MRNIP: variants seen among roughly 807,000 people sequenced by gnomAD.
MRNIP encodes the protein MRN complex interacting protein, also known as MRN complex-interacting protein.
MRNIP carries 30 observed loss-of-function variants against 29.8 expected under a neutral mutation model. The observed-to-expected ratio is 1.01, with a 90% CI of 0.75 to 1.36. The LOEUF (loss-of-function observed/expected upper bound fraction) is 1.36, where lower values mean the gene tolerates loss of function less well. Among genes scored for constraint, MRNIP ranks in the 40% most tolerant of loss-of-function variants. The pLI is 0.00. For missense variants in MRNIP, 459 were observed against 423.5 expected (o/e 1.08, Z -0.74); for synonymous variants, 201 against 164.1 (o/e 1.23, Z -1.72).
At chr5:179,853,702 G>A (rs1012177961) in intron 1 of MRNIP, among the ~76,000 whole-genome samples, 1 of 151,660 alleles carries the variant, frequency 6.6e-6, no homozygotes, top group South Asian at 2.1e-4. Flanking sequence ...AACCTGGGAG[G>A]TGGAGGTTGC....
chr5:179,855,856 A>G (rs552553574), intron 1 of MRNIP, among the ~76,000 whole-genome samples: 9 of 152,034 alleles, frequency 5.9e-5, no homozygotes, highest in African/African-American at 2.2e-4. Flanking sequence ...ACCTTAAAAC[A>G]CCAATAAAAC....
chr5:179,845,385 G>C (rs944937643), intron 3 of MRNIP, among the ~76,000 whole-genome samples: 2 of 151,906 alleles, frequency 1.3e-5, no homozygotes, highest in African/African-American at 2.4e-5. Context: ...CTGACCTCAA[G>C]TGATCTGCCT....
At chr5:179,839,263 A>C (rs1758760317) in intron 6 of MRNIP, 1 of 152,064 alleles carries the variant, frequency 6.6e-6, no homozygotes. Flanking sequence ...AAAAAAAAAA[A>C]AAAACAACAG....
chr5:179,851,355 A>C (rs765823059), intron 2 of MRNIP: 6 of 455,968 alleles, frequency 1.3e-5, no homozygotes, highest in Non-Finnish European at 2.6e-5. Flanking sequence ...TTTATAATTG[A>C]GACTCAGCTC....
Position 179,837,464 on chromosome 5 carries a change from T to A in MRNIP, c.959A>T (p.Glu320Val), listed in dbSNP as rs761368110. 12 of 1,613,364 alleles carry A rather than the reference T, an allele frequency of 7.4e-6. No homozygotes were observed. In the South Asian group the frequency reaches 1.3e-4, roughly 18 times the overall value. Residue 320 changes from glutamate to valine, a missense_variant, in exon 7 of 7, where the codon GAG (glutamate) becomes GTG (valine). Physicochemically the swap from Glu to Val is moderately radical, Grantham distance 121. Transcript: ENST00000292586. The part of the protein sequence containing the change: ...PWAEGGPLVL[E>V]AQNPRPTRLC... ...TCGTGTGGGTCGAGGATTCTGTGCCTCCAGGACCAGGGGCCCACCCTCTGC... is the reference window on the plus strand; with the variant it reads ...TCGTGTGGGTCGAGGATTCTGTGCCACCAGGACCAGGGGCCCACCCTCTGC...
chr5:179,846,922 G>T (rs1225792647), intron 3 of MRNIP: 2 of 152,164 alleles, frequency 1.3e-5, no homozygotes, highest in Middle Eastern at 3.4e-3. Context: ...TTTGTCTTCT[G>T]AGGGCCTCCT....
At chr5:179,843,063 G>GGAAGGAAGGA (rs1554093130) in intron 4 of MRNIP, among the ~76,000 whole-genome samples, 27 of 103,464 alleles carry the variant, frequency 2.6e-4, no homozygotes, top group South Asian at 6.0e-4. Flanking sequence ...GGAAGGAAGG[G>GGAAGGAAGGA]AGGGAGGGAG....
intron 1 of MRNIP, among the ~76,000 whole-genome samples, chr5:179,855,153 AATTTTT>A (rs1759523960): frequency 6.7e-6 from 1 of 150,000 alleles, no homozygotes; most frequent in Non-Finnish European, 1.5e-5. Flanking sequence ...TTTTAATTTT[AATTTTT>A]TTGAGACGGA....
At chr5:179,853,912 A>G (rs1315263978) in intron 1 of MRNIP, among the ~76,000 whole-genome samples, 4 of 151,498 alleles carry the variant, frequency 2.6e-5, no homozygotes, top group Admixed American at 6.6e-5. Flanking sequence ...GGGTTTCACC[A>G]TGTTGACCAG....
chr5:179,842,974 A>C (rs1758959207), intron 4 of MRNIP, among the ~76,000 whole-genome samples: 1 of 147,052 alleles, frequency 6.8e-6, no homozygotes, highest in Non-Finnish European at 1.5e-5. Context: ...CAGAAGTTGC[A>C]GTGAGCTGAG....
intron 1 of MRNIP, among the ~76,000 whole-genome samples, chr5:179,855,879 A>G (rs1759554346): frequency 6.6e-6 from 1 of 150,472 alleles, no homozygotes; most frequent in Non-Finnish European, 1.5e-5. Flanking sequence ...TGGATTTTCT[A>G]TGAGTATATA....
intron 3 of MRNIP, among the ~76,000 whole-genome samples, chr5:179,846,517 A>C (rs1006757567): frequency 6.6e-6 from 1 of 151,980 alleles, no homozygotes; most frequent in Non-Finnish European, 1.5e-5. Context: ...TCTTGACCTC[A>C]TGATCCATCT....
At chr5:179,853,481 A>G (rs1759455923) in intron 1 of MRNIP, 44 bp from the exon 2 acceptor site, 12 of 1,531,334 alleles carry the variant, frequency 7.8e-6, no homozygotes, top group Admixed American at 1.7e-5. Flanking sequence ...ATTATTTAAA[A>G]CAAAATGGAA....
chr5:179,858,754 A>G lies in MRNIP; in HGVS notation c.43T>C (p.Cys15Arg), dbSNP rs1265918682. ...QRSRVLRCCS[C>R]RLFQAHQVKK... is the part of the protein sequence containing the mutation. ...ACCTGGTGCGCCTGGAAGAGGCGGC[A>G]GCTGCAGCAGCGTAGCACCCGAGAA... The change falls in exon 1 of 7, where the codon TGC becomes CGC. Residue 15 changes from cysteine to arginine, a missense_variant. By Grantham distance (180) the Cys-to-Arg change is radical. Transcript: ENST00000292586. 2.6e-6 allele frequency: 4 copies of G among 1,533,474 alleles called. No individual in the cohort carries two copies. The African/African-American group carries it at 5.5e-5, about 21-fold the overall frequency. The allele number at this position is 1,533,474 out of a possible 1,614,324, so 95.0% of individuals were successfully genotyped here.
chr5:179,842,845 C>CA (rs1299308437), intron 4 of MRNIP, among the ~76,000 whole-genome samples: 1 of 150,744 alleles, frequency 6.6e-6, no homozygotes, highest in East Asian at 2.0e-4. Flanking sequence ...CTAGCCTAGG[C>CA]AACATGGTGA....
At chr5:179,853,163 A>T (rs1236590544) in intron 2 of MRNIP, 24 of 1,431,256 alleles carry the variant, frequency 1.7e-5, no homozygotes, top group Non-Finnish European at 2.2e-5. Context: ...GTACTCAAGA[A>T]ATACTTGCTG....
At chr5:179,851,615 C>CTTTATTTA (rs139272348) in intron 2 of MRNIP, among the ~76,000 whole-genome samples, 10 of 152,054 alleles carry the variant, frequency 6.6e-5, no homozygotes, top group African/African-American at 1.2e-4. Context: ...CTTGCCAGCA[C>CTTTATTTA]TTTATTTATT....
chr5:179,837,308 T>C lies in MRNIP; in HGVS notation c.*83A>G, dbSNP rs1167286608. On this transcript the variant is annotated 3_prime_UTR_variant, in exon 7 of 7. Coordinates refer to ENST00000292586, the MANE Select transcript of MRNIP (RefSeq NM_016175.4). ...CAGTAAGTTTATTGTTAATGGTTCT[T>C]ACAGAGTATCTTTAAAAGTGCCTTA... 1.2e-6 allele frequency: 2 copies of C among 1,600,116 alleles called. No homozygotes were observed. The highest frequency in any genetic ancestry group is 1.7e-6 in the Non-Finnish European group (2 of 1,173,306).
intron 2 of MRNIP, among the ~76,000 whole-genome samples, chr5:179,849,786 G>A (rs1759280577): frequency 6.6e-6 from 1 of 151,796 alleles, no homozygotes; most frequent in East Asian, 1.9e-4. Context: ...CAATGACACA[G>A]GCAGATGGTA....
Sources: allele counts gnomAD v4.1 joint callset (sites outside exome capture counted in the v4.1 genomes callset), GRCh38; gene constraint gnomAD v4.1.1; transcripts MANE v1.5; gene names NCBI Gene and HGNC (gene_info 2026-07-23, HGNC 2026-07-21).